TOX: variants seen among roughly 807,000 people sequenced by gnomAD.
The protein encoded by TOX is thymocyte selection associated high mobility group box.
Under a neutral mutation model 53.7 loss-of-function variants are expected in TOX, and 11 were observed. The ratio of observed to expected loss-of-function variants is 0.20; its 90% CI spans 0.13 to 0.34. The LOEUF is 0.34. Ranked by LOEUF, TOX falls within the 10% of genes least tolerant of loss-of-function variation. TOX has a pLI of 1.00. For synonymous variants in TOX, 225 were observed against 245.3 expected, an observed-to-expected ratio of 0.92 and a Z score of 0.77; for missense variants, 570 against 664.6, an observed-to-expected ratio of 0.86 and a Z score of 1.56.
At chr8:58,837,831 T>G (rs1473825782) in intron 5 of TOX, among the ~76,000 whole-genome samples, 1 of 152,170 alleles carries the variant, frequency 6.6e-6, no homozygotes, top group South Asian at 2.1e-4. Context: ...GTCTGAGATA[T>G]GTAAAAGTGC....
At chr8:58,838,990 G>A (rs530096904) in intron 4 of TOX, among the ~76,000 whole-genome samples, 29 of 152,214 alleles carry the variant, frequency 1.9e-4, no homozygotes, top group Non-Finnish European at 3.2e-4. Flanking sequence ...GTTAGCCACC[G>A]TGCCCAGCCA....
chr8:59,098,929 AAG>A (rs1277647099), intron 1 of TOX, among the ~76,000 whole-genome samples: 6 of 152,200 alleles, frequency 3.9e-5, no homozygotes, highest in African/African-American at 1.4e-4. Flanking sequence ...GTGAATTAAA[AAG>A]AGTGAAGTTT....
At chr8:59,104,750 A>G (rs968571469) in intron 1 of TOX, among the ~76,000 whole-genome samples, 1 of 152,224 alleles carries the variant, frequency 6.6e-6, no homozygotes, top group African/African-American at 2.4e-5. Context: ...AAATAATTCA[A>G]AAAATTAGGA....
At chr8:59,022,354 G>C (rs1196186682) in intron 1 of TOX, among the ~76,000 whole-genome samples, 1 of 152,038 alleles carries the variant, frequency 6.6e-6, no homozygotes, top group African/African-American at 2.4e-5. Context: ...CAAAGACTCC[G>C]ACATGTTCTA....
rs555569953 is a variant in TOX, at chr8:59,024,598, T to G, written c.103-64590A>C. On this transcript the variant is annotated intron_variant, in intron 1 of 8. Coordinates refer to ENST00000361421, the MANE Select transcript of TOX (RefSeq NM_014729.3). ...ACATGGTAGCCAGCAGCCCTCTTTA[T>G]AATTTGCTGCTGCTAAATGCAGTGG... Among the ~76,000 whole-genome samples, 17 of 152,296 alleles carry G rather than the reference T, an allele frequency of 1.1e-4. No individual in the cohort carries two copies. The South Asian group carries it at 3.5e-3, about 32-fold the overall frequency.
At chr8:58,926,186 C>T (rs1812156899) in intron 3 of TOX, among the ~76,000 whole-genome samples, 1 of 152,172 alleles carries the variant, frequency 6.6e-6, no homozygotes, top group Non-Finnish European at 1.5e-5. Context: ...AGTTTTTGGC[C>T]TCATGAGGGG....
chr8:58,995,140 T>C (rs1813538327), intron 1 of TOX, among the ~76,000 whole-genome samples: 2 of 152,236 alleles, frequency 1.3e-5, no homozygotes, highest in Admixed American at 1.3e-4. Flanking sequence ...CAATATCTTC[T>C]GCCACTAACT....
At chr8:58,860,861 C>T (rs114722004) in intron 3 of TOX, among the ~76,000 whole-genome samples, 1,905 of 152,296 alleles carry the variant, frequency 0.013, 19 homozygotes, top group African/African-American at 0.026. Flanking sequence ...AAAGGTATTC[C>T]AGTTCATAGG....
At chr8:58,854,356 T>G (rs1422485437) in intron 3 of TOX, among the ~76,000 whole-genome samples, 4 of 152,200 alleles carry the variant, frequency 2.6e-5, no homozygotes, top group Non-Finnish European at 4.4e-5. Context: ...CATGTGGAGT[T>G]CCAGATTTAT....
chr8:58,920,721 T>TAAAAAAAAAAAAAAAAAAAAAAAAAAA (rs5891703), intron 3 of TOX, among the ~76,000 whole-genome samples: 9 of 81,008 alleles, frequency 1.1e-4, no homozygotes, highest in East Asian at 4.1e-4. Context: ...AAAAAAACAT[T>TAAAAAAAAAAAAAAAAAAAAAAAAAAA]AAAAAAAAAA....
rs1805142715 is a variant in TOX at position 59,118,213 on chromosome 8, A to G, written c.102+673T>C. On this transcript the variant is annotated intron_variant, in intron 1 of 8. Coordinates refer to ENST00000361421, the MANE Select transcript of TOX (RefSeq NM_014729.3). This position sits in a 1 kb window ranked among gnomAD's most constrained non-coding sequence, Gnocchi z 4.1. Reference sequence around the variant, plus strand: ...ACGCGACGTGCTCGCCCGGCTCCCAACAAACTTGCAATTTCCGCGCGCACC... The same window carrying G: ...ACGCGACGTGCTCGCCCGGCTCCCAGCAAACTTGCAATTTCCGCGCGCACC... 6.6e-6 allele frequency among the ~76,000 whole-genome samples: 1 copy of G among 152,192 alleles called. No homozygotes were observed. The highest frequency in any genetic ancestry group is 2.1e-4 in the South Asian group (1 of 4,830).
At chr8:59,105,684 A>T (rs912521003) in intron 1 of TOX, among the ~76,000 whole-genome samples, 1 of 152,070 alleles carries the variant, frequency 6.6e-6, no homozygotes, top group African/African-American at 2.4e-5. Context: ...TCCTTTCAAC[A>T]TTACCCTACT....
At chr8:58,886,395 C>A (rs1811468719) in intron 3 of TOX, among the ~76,000 whole-genome samples, 1 of 152,098 alleles carries the variant, frequency 6.6e-6, no homozygotes, top group Non-Finnish European at 1.5e-5. Flanking sequence ...GACATCACAG[C>A]TGCATCAGAA....
intron 3 of TOX, among the ~76,000 whole-genome samples, chr8:58,924,341 T>C (rs1031945200): frequency 3.3e-5 from 5 of 152,234 alleles, no homozygotes; most frequent in Non-Finnish European, 7.3e-5. Flanking sequence ...TCTCCATACA[T>C]ACTAAGCAGA....
intron 1 of TOX, among the ~76,000 whole-genome samples, chr8:59,012,530 A>AT (rs1397144537): frequency 2.0e-5 from 3 of 151,754 alleles, no homozygotes; most frequent in African/African-American, 4.8e-5. Context: ...TGAGATCACA[A>AT]TTTTTTTTCT....
chr8:59,045,048 G>A (rs1803659773), intron 1 of TOX, among the ~76,000 whole-genome samples: 1 of 152,132 alleles, frequency 6.6e-6, no homozygotes, highest in Admixed American at 6.5e-5. Context: ...GTACAGAATT[G>A]TTCTAATGTA....
chr8:58,963,723 C>A (rs1812840946), intron 1 of TOX, among the ~76,000 whole-genome samples: 1 of 152,132 alleles, frequency 6.6e-6, no homozygotes. Flanking sequence ...GGGCTGTCTG[C>A]AGGCTCTGGG....
At chr8:58,944,063 T>C (rs1159216555) in intron 2 of TOX, among the ~76,000 whole-genome samples, 4 of 152,234 alleles carry the variant, frequency 2.6e-5, no homozygotes, top group African/African-American at 4.8e-5. Context: ...ATTATATTAC[T>C]GTTACTTAAC....
At chr8:59,099,495 T>C (rs1027910403) in intron 1 of TOX, among the ~76,000 whole-genome samples, 2 of 152,162 alleles carry the variant, frequency 1.3e-5, no homozygotes, top group Admixed American at 1.3e-4. Flanking sequence ...AGTATACTGA[T>C]ACATTTAAGC....
Sources: gnomAD v4.1 joint callset for allele counts (sites outside exome capture counted in the v4.1 genomes callset) on GRCh38, gnomAD v4.1.1 for gene constraint, Gnocchi (gnomAD v3.1) non-coding constraint, MANE v1.5 for transcripts, NCBI Gene and HGNC (gene_info 2026-07-23, HGNC 2026-07-21) for gene names.